ARL6IP5: variants seen among roughly 807,000 people sequenced by gnomAD.
The protein encoded by ARL6IP5 is ARF like GTPase 6 interacting protein 5, also known as PRA1 family protein 3.
In ARL6IP5, 6 loss-of-function variants were observed where a neutral mutation model predicts 13.0. The observed-to-expected ratio is 0.46, with a 90% CI of 0.25 to 0.91. The LOEUF (loss-of-function observed/expected upper bound fraction) is 0.91, where lower values mean the gene tolerates loss of function less well. ARL6IP5 is among the 40% of genes least tolerant of loss of function. The pLI, the probability that ARL6IP5 is intolerant of heterozygous loss-of-function variation, is 0.17. For missense variants in ARL6IP5, 208 were observed against 248.8 expected, an observed-to-expected ratio of 0.84 and a Z score of 1.10; for synonymous variants, 91 against 91.9, an observed-to-expected ratio of 0.99 and a Z score of 0.06.
intron 1 of ARL6IP5, among the ~76,000 whole-genome samples, chr3:69,098,641 T>A (rs1158384839): frequency 2.6e-5 from 4 of 152,110 alleles, no homozygotes; most frequent in South Asian, 2.1e-4. Context: ...TCCACCCACC[T>A]TGGCCCCCAC....
rs2092317444 is a variant in ARL6IP5, at chr3:69,104,773, GC to G, written c.*139del. On this transcript the variant is annotated 3_prime_UTR_variant, in exon 3 of 3. Coordinates refer to ENST00000273258, the MANE Select transcript of ARL6IP5 (RefSeq NM_006407.4). ...TATCTATGGCAGCATGCATGTATAG[GC>G]CGAACTATTATCAGCTCTGATGTTT... 1.0e-6 allele frequency: 1 copy of G among 965,280 alleles called. No homozygotes were observed. The highest frequency in any genetic ancestry group is 1.6e-5 in the African/African-American group (1 of 60,896). The allele number at this position is 965,280 out of a possible 1,614,324, so 59.8% of individuals were successfully genotyped here.
At chr3:69,085,361 AG>A in intron 1 of ARL6IP5, 138 bp downstream of exon 1, 1 of 1,189,108 alleles carries the variant, frequency 8.4e-7, no homozygotes, top group Non-Finnish European at 1.1e-6. Flanking sequence ...CGGCCAAGCC[AG>A]TGGAAACTTG....
At chr3:69,093,748 G>A (rs1455501333) in intron 1 of ARL6IP5, among the ~76,000 whole-genome samples, 3 of 143,330 alleles carry the variant, frequency 2.1e-5, no homozygotes, top group Admixed American at 7.2e-5. Flanking sequence ...CCGACAGAGG[G>A]AGATTCTGTC....
intron 1 of ARL6IP5, among the ~76,000 whole-genome samples, chr3:69,094,255 C>T (rs185233467): frequency 6.6e-6 from 1 of 152,276 alleles, no homozygotes; most frequent in African/African-American, 2.4e-5. Flanking sequence ...CTAGCAGTTA[C>T]AGCCAAAGCC....
chr3:69,098,711 G>T (rs1579207), intron 1 of ARL6IP5, among the ~76,000 whole-genome samples: 69,678 of 151,944 alleles, frequency 0.46, 16,251 homozygotes, highest in Admixed American at 0.52. Flanking sequence ...CTACTTCTGA[G>T]CTATCTAACT....
chr3:69,090,932 C>T (rs1191201885), intron 1 of ARL6IP5, among the ~76,000 whole-genome samples: 2 of 152,220 alleles, frequency 1.3e-5, no homozygotes, highest in Admixed American at 1.3e-4. Context: ...CATGATGGCT[C>T]ACGCCTGTGA....
intron 1 of ARL6IP5, among the ~76,000 whole-genome samples, chr3:69,092,541 G>T (rs2092271348): frequency 6.6e-6 from 1 of 152,160 alleles, no homozygotes. Context: ...CAGGATCTTG[G>T]CTCACTACAA....
In ARL6IP5 at chr3:69,099,426, T is replaced by G. The variant is rs946642884; in HGVS notation, c.177-2413T>G. Among the ~76,000 whole-genome samples, 4 of 152,284 alleles carry G rather than the reference T, an allele frequency of 2.6e-5. No individual in the cohort carries two copies. In the South Asian group the frequency reaches 8.3e-4, roughly 32 times the overall value. ...CTACTCTTACCACTGTTTAGCTTTG[T>G]GCATCTTAATAGAAATTTTTAGCTT... On this transcript the variant is annotated intron_variant, in intron 1 of 2. Transcript: ENST00000273258.
Position 69,084,948 on chromosome 3 carries a change from C to A in ARL6IP5, c.-100C>A. On this transcript the variant is annotated 5_prime_UTR_variant, in exon 1 of 3. Transcript: ENST00000273258. ...GCTGTCTGCCAACCGCAAAGCCGAC[C>A]GAGACGGAGCCGCTGTCAACTCTCC... 2.7e-6 allele frequency: 4 copies of A among 1,463,358 alleles called. No homozygotes were observed. The highest frequency in any genetic ancestry group is 3.7e-6 in the Non-Finnish European group (4 of 1,089,374). 90.6% of individuals were successfully genotyped at this position (1,463,358 alleles called of 1,614,324 possible). A position where few individuals can be genotyped will look rare whatever the true frequency, so the allele number is the denominator to read the frequency against.
intron 1 of ARL6IP5, among the ~76,000 whole-genome samples, chr3:69,097,458 T>C (rs978214821): frequency 1.3e-5 from 2 of 151,582 alleles, no homozygotes; most frequent in African/African-American, 4.8e-5. Context: ...ATTACAGACA[T>C]GAGCTACCAC....
Position 69,101,223 on chromosome 3 carries a change from A to G in ARL6IP5, c.177-616A>G, listed in dbSNP as rs555685764. ...AGCCCAGGATGTAAGGAAGCTAAAC[A>G]TAGTACCTTCAAAAGAAGTTTTAGT... On this transcript the variant is annotated intron_variant, in intron 1 of 2. Transcript: ENST00000273258. Among the ~76,000 whole-genome samples, 5 of 152,068 alleles carry G rather than the reference A, an allele frequency of 3.3e-5. No homozygotes were observed. In the South Asian group the frequency reaches 1.0e-3, roughly 32 times the overall value.
At chr3:69,092,311 G>C (rs1289277191) in intron 1 of ARL6IP5, among the ~76,000 whole-genome samples, 1 of 152,150 alleles carries the variant, frequency 6.6e-6, no homozygotes. Context: ...CCTTGTCTCA[G>C]AGGAAAAAGA....
chr3:69,097,215 T>C (rs140234011), intron 1 of ARL6IP5, among the ~76,000 whole-genome samples: 97 of 152,228 alleles, frequency 6.4e-4, no homozygotes, highest in African/African-American at 2.2e-3. Context: ...GGCTAGAGTA[T>C]AGTGGCACCA....
intron 2 of ARL6IP5, 93 bp from the exon 3 acceptor site, chr3:69,104,371 A>G: frequency 7.7e-7 from 1 of 1,300,764 alleles, no homozygotes; most frequent in Non-Finnish European, 1.1e-6. Context: ...TAACTAAGGC[A>G]GTTTACTAAT....
chr3:69,088,068 C>T (rs3853158), intron 1 of ARL6IP5, among the ~76,000 whole-genome samples: 61,994 of 151,740 alleles, frequency 0.41, 12,843 homozygotes, highest in East Asian at 0.53. Context: ...TTTTTTTTAT[C>T]ATTAAACCTG....
chr3:69,105,162 G>C lies in ARL6IP5; in HGVS notation c.*526G>C. 2.8e-6 allele frequency: 1 copy of C among 361,144 alleles called. No individual in the cohort carries two copies. The highest frequency in any genetic ancestry group is 4.5e-5 in the South Asian group (1 of 22,092). 22.4% of individuals were successfully genotyped at this position (361,144 alleles called of 1,614,324 possible). On this transcript the variant is annotated 3_prime_UTR_variant, in exon 3 of 3. Transcript: ENST00000273258. ...TTTGCCACCTGTTTGATGTGCAGTG[G>C]AAACTGGTTAAGCCAGTTGTTCATA...
At position 69,104,769 on chromosome 3, in the gene ARL6IP5, A is replaced by G. The variant is rs113518171; in HGVS notation, c.*133A>G. Reference sequence around the variant, plus strand: ...CAATTATCTATGGCAGCATGCATGTATAGGCCGAACTATTATCAGCTCTGA... The same window carrying G: ...CAATTATCTATGGCAGCATGCATGTGTAGGCCGAACTATTATCAGCTCTGA... On this transcript the variant is annotated 3_prime_UTR_variant, in exon 3 of 3. Coordinates refer to ENST00000273258, the MANE Select transcript of ARL6IP5 (RefSeq NM_006407.4). The G allele has an allele frequency of 1.0e-3, 1,031 of 1,008,880 alleles. 8 individuals are homozygous for G. Among genetic ancestry groups the G allele is most frequent in the South Asian group, 5.3e-3 (382 of 72,596 alleles). 62.5% of individuals were successfully genotyped at this position (1,008,880 alleles called of 1,614,324 possible). A position where few individuals can be genotyped will look rare whatever the true frequency, so the allele number is the denominator to read the frequency against.
intron 2 of ARL6IP5, among the ~76,000 whole-genome samples, chr3:69,103,788 G>T (rs74351739): frequency 0.033 from 5,061 of 152,208 alleles, 200 homozygotes; most frequent in African/African-American, 0.099. Context: ...AAAACCACTG[G>T]TATAGATCAT....
At chr3:69,096,492 C>T (rs1283850236) in intron 1 of ARL6IP5, among the ~76,000 whole-genome samples, 2 of 151,960 alleles carry the variant, frequency 1.3e-5, no homozygotes, top group South Asian at 2.1e-4. Context: ...TGATGCTTTG[C>T]TGCCAGCCAA....
Sources: allele counts gnomAD v4.1 joint callset (sites outside exome capture counted in the v4.1 genomes callset), GRCh38; gene constraint gnomAD v4.1.1; transcripts MANE v1.5; gene names NCBI Gene and HGNC (gene_info 2026-07-23, HGNC 2026-07-21).